The following GPC5 variants were observed in gnomAD, a reference collection of about 807,000 sequenced individuals.
The protein encoded by GPC5 is glypican-5.
In GPC5, 47 loss-of-function variants were observed where a neutral mutation model predicts 53.9. The ratio of observed to expected loss-of-function variants is 0.87; its 90% CI spans 0.69 to 1.11. The LOEUF (loss-of-function observed/expected upper bound fraction) is 1.11. Among genes scored for constraint, GPC5 ranks in the 50% most tolerant of loss-of-function variants. GPC5 has a pLI of 0.00. For missense variants in GPC5, 748 were observed against 713.1 expected (o/e 1.05, Z -0.56); for synonymous variants, 286 against 263.3 (o/e 1.09, Z -0.84).
At chr13:92,748,109 C>T (rs1889283999) in intron 7 of GPC5, among the ~76,000 whole-genome samples, 1 of 151,752 alleles carries the variant, frequency 6.6e-6, no homozygotes, top group Admixed American at 6.6e-5. Flanking sequence ...TACTGATCTA[C>T]CTTATAAGAC....
chr13:92,374,075 A>G (rs921309677), intron 7 of GPC5, among the ~76,000 whole-genome samples: 5 of 152,144 alleles, frequency 3.3e-5, no homozygotes, highest in Admixed American at 3.3e-4. Context: ...AATGAACTTT[A>G]TTTTATTAAC....
chr13:91,729,877 A>G (rs1209793485), intron 4 of GPC5, among the ~76,000 whole-genome samples: 1 of 152,194 alleles, frequency 6.6e-6, no homozygotes, highest in East Asian at 1.9e-4. Flanking sequence ...CTTTAATATA[A>G]TCTATTCACT....
At chr13:92,663,641 CT>C (rs1886431174) in intron 7 of GPC5, among the ~76,000 whole-genome samples, 1 of 137,590 alleles carries the variant, frequency 7.3e-6, no homozygotes, top group African/African-American at 2.8e-5. Flanking sequence ...TATATACACA[CT>C]ATATATATAC....
intron 7 of GPC5, among the ~76,000 whole-genome samples, chr13:92,475,902 T>C (rs1361282136): frequency 6.6e-6 from 1 of 151,998 alleles, no homozygotes; most frequent in Non-Finnish European, 1.5e-5. Flanking sequence ...TCAAGATGGA[T>C]TAAAGACTTA....
intron 6 of GPC5, among the ~76,000 whole-genome samples, chr13:92,136,629 G>C (rs932007995): frequency 6.6e-6 from 1 of 152,106 alleles, no homozygotes; most frequent in Non-Finnish European, 1.5e-5. Context: ...GTAAATGATC[G>C]TAAGAGGAAG....
chr13:92,093,913 C>T (rs2041400368), intron 6 of GPC5, among the ~76,000 whole-genome samples: 1 of 152,078 alleles, frequency 6.6e-6, no homozygotes, highest in African/African-American at 2.4e-5. Context: ...TGAGTCAAAG[C>T]TTTTTTCTCT....
chr13:91,427,774 T>C (rs1392975159), intron 1 of GPC5, among the ~76,000 whole-genome samples: 1 of 152,114 alleles, frequency 6.6e-6, no homozygotes, highest in Non-Finnish European at 1.5e-5. Flanking sequence ...TAAAATTTCA[T>C]CTTGAATTGA....
intron 7 of GPC5, among the ~76,000 whole-genome samples, chr13:92,602,127 T>A (rs908865262): frequency 2.0e-5 from 3 of 146,708 alleles, no homozygotes; most frequent in East Asian, 2.0e-4. Context: ...ATTATATACA[T>A]ATAATACATA....
At chr13:92,639,098 A>C (rs1885507009) in intron 7 of GPC5, among the ~76,000 whole-genome samples, 1 of 152,216 alleles carries the variant, frequency 6.6e-6, no homozygotes, top group South Asian at 2.1e-4. Flanking sequence ...TAGTAAGTTC[A>C]GTAAACATTT....
intron 7 of GPC5, among the ~76,000 whole-genome samples, chr13:92,257,303 T>A (rs9589465): frequency 0.27 from 40,457 of 151,810 alleles, 5,595 homozygotes; most frequent in South Asian, 0.45. Flanking sequence ...CCTTAAGTGG[T>A]GTGACTATTT....
intron 7 of GPC5, among the ~76,000 whole-genome samples, chr13:92,177,364 G>T (rs1376713690): frequency 1.3e-5 from 2 of 152,122 alleles, no homozygotes; most frequent in African/African-American, 2.4e-5. Context: ...ATTTTCAAAG[G>T]TGTGTTAGCG....
chr13:92,271,437 T>C (rs1162755206), intron 7 of GPC5, among the ~76,000 whole-genome samples: 1 of 152,206 alleles, frequency 6.6e-6, no homozygotes, highest in Admixed American at 6.5e-5. Context: ...ATGTTTTCCA[T>C]GAACCAGAGT....
chr13:91,651,672 C>T (rs541627441), intron 2 of GPC5, among the ~76,000 whole-genome samples: 2 of 148,342 alleles, frequency 1.3e-5, no homozygotes, highest in Middle Eastern at 3.5e-3. Flanking sequence ...GAGCCAAGAT[C>T]GTGCCATTGC....
intron 6 of GPC5, among the ~76,000 whole-genome samples, chr13:92,050,449 A>T (rs1326511): frequency 0.98 from 149,777 of 152,172 alleles, 73,752 homozygotes; most frequent in Middle Eastern, 1. Context: ...ATACAGACAC[A>T]TATTTTGATA....
intron 7 of GPC5, among the ~76,000 whole-genome samples, chr13:92,661,581 T>C (rs1294393307): frequency 1.3e-5 from 2 of 152,236 alleles, no homozygotes; most frequent in East Asian, 1.9e-4. Flanking sequence ...ATAATGATTA[T>C]GTAAGATTTG....
intron 7 of GPC5, among the ~76,000 whole-genome samples, chr13:92,379,687 C>A (rs2043723405): frequency 6.6e-6 from 1 of 151,672 alleles, no homozygotes; most frequent in African/African-American, 2.4e-5. Context: ...CCTCTCTGTG[C>A]CCCCTGCATA....
intron 7 of GPC5, among the ~76,000 whole-genome samples, chr13:92,394,876 C>G (rs1426338929): frequency 6.6e-6 from 1 of 152,016 alleles, no homozygotes; most frequent in East Asian, 1.9e-4. Flanking sequence ...CAAAGCTTTT[C>G]TTAACTCTAA....
chr13:92,635,064 T>C (rs1885369837), intron 7 of GPC5, among the ~76,000 whole-genome samples: 1 of 152,050 alleles, frequency 6.6e-6, no homozygotes, highest in Non-Finnish European at 1.5e-5. Flanking sequence ...ACCTGAAATA[T>C]ACATTTATAG....
intron 2 of GPC5, among the ~76,000 whole-genome samples, chr13:91,584,283 A>G (rs1053807817): frequency 1.3e-5 from 2 of 152,180 alleles, no homozygotes; most frequent in Non-Finnish European, 2.9e-5. Context: ...TTGGTGCCCA[A>G]TGAGATAGAA....
Sources: allele counts gnomAD v4.1 joint callset (sites outside exome capture counted in the v4.1 genomes callset), GRCh38; gene constraint gnomAD v4.1.1; transcripts MANE v1.5; gene names NCBI Gene and HGNC (gene_info 2026-07-23, HGNC 2026-07-21).